GOLIM4: variants seen among roughly 807,000 people sequenced by gnomAD.
The protein encoded by GOLIM4 is golgi integral membrane protein 4.
A neutral mutation model predicts 107.4 loss-of-function variants in GOLIM4; 71 were observed. The ratio of observed to expected loss-of-function variants is 0.66; its 90% CI spans 0.55 to 0.81. The LOEUF (loss-of-function observed/expected upper bound fraction) is 0.81, where lower values mean the gene tolerates loss of function less well. Among genes scored for constraint, GOLIM4 ranks in the 30% least tolerant of loss-of-function variants. GOLIM4 has a pLI of 0.00. For synonymous variants in GOLIM4, 327 were observed against 294.8 expected (o/e 1.11, Z -1.12); for missense variants, 830 against 826.1 (o/e 1.00, Z -0.06).
chr3:168,064,432 A>T (rs999891762), intron 1 of GOLIM4, among the ~76,000 whole-genome samples: 1 of 152,200 alleles, frequency 6.6e-6, no homozygotes, highest in Non-Finnish European at 1.5e-5. Context: ...TTTACATAAG[A>T]AAAGTGTTAA....
intron 1 of GOLIM4, among the ~76,000 whole-genome samples, chr3:168,092,581 G>C (rs1269973098): frequency 6.6e-6 from 1 of 152,048 alleles, no homozygotes; most frequent in African/African-American, 2.4e-5. Context: ...TTTTTAAAAA[G>C]ACCACTCTTT....
In GOLIM4 at chr3:168,049,143, G is replaced by A. The variant is rs148315412; in HGVS notation, c.188-778C>T. Among the ~76,000 whole-genome samples the A allele has an allele frequency of 2.7e-4, 41 of 152,238 alleles. No homozygotes were observed. The East Asian group carries it at 6.0e-3, about 22-fold the overall frequency. ...GAATCCAGAGTCGCCTGGTGAGCAG[G>A]GGAGGAAGAGCAGACATGTCTGGCA... On this transcript the variant is annotated intron_variant, in intron 1 of 15. Transcript: ENST00000470487.
At chr3:168,041,355 C>A in intron 6 of GOLIM4, 37 bp downstream of exon 6, 1 of 1,172,294 alleles carries the variant, frequency 8.5e-7, no homozygotes. Context: ...ATAAAGCAGG[C>A]AAACACTAAA....
At chr3:168,026,171 C>T (rs1717986044) in intron 12 of GOLIM4, among the ~76,000 whole-genome samples, 2 of 152,122 alleles carry the variant, frequency 1.3e-5, no homozygotes, top group South Asian at 4.1e-4. Context: ...GAATGTTACT[C>T]CAGTGCAAAT....
chr3:168,078,338 C>T (rs1336325891), intron 1 of GOLIM4, among the ~76,000 whole-genome samples: 6 of 152,016 alleles, frequency 3.9e-5, no homozygotes, highest in African/African-American at 1.4e-4. Flanking sequence ...AAAGTAAAAT[C>T]AATTACATTT....
At chr3:168,076,714 C>A (rs1210832926) in intron 1 of GOLIM4, among the ~76,000 whole-genome samples, 2 of 151,688 alleles carry the variant, frequency 1.3e-5, no homozygotes, top group African/African-American at 4.9e-5. Context: ...ATCAATCAAT[C>A]AATAAAATGG....
At position 168,043,462 on chromosome 3, in the gene GOLIM4, T is replaced by A; in HGVS notation, c.434A>T (p.Asp145Val). 1.9e-6 allele frequency: 3 copies of A among 1,613,436 alleles called. No individual in the cohort carries two copies. Among genetic ancestry groups the A allele is most frequent in the Non-Finnish European group, 2.5e-6 (3 of 1,179,442 alleles). ...ATGGTCATTAAATGTTCTACTGAAG[T>A]CTTCCCCTTGTTTGCGATGTTCCTC... The part of the protein sequence containing the change: ...LEEEHRKQGE[D>V]FSRTFNDHKQ... Residue 145 changes from aspartate to valine, a missense_variant, in exon 5 of 16, where the codon GAC (aspartate) becomes GTC (valine). Transcript: ENST00000470487.
In GOLIM4 at chr3:168,019,320, G is replaced by C. The variant is rs780462822; in HGVS notation, c.1860+5206C>G. On this transcript the variant is annotated intron_variant, in intron 14 of 15. Coordinates refer to ENST00000470487, the MANE Select transcript of GOLIM4 (RefSeq NM_014498.5). Reference sequence around the variant, plus strand: ...ATCTATCACTTTTCTATTTTTTACAGTGAATTATTCTTAAAAATTCAAGAT... The same window carrying C: ...ATCTATCACTTTTCTATTTTTTACACTGAATTATTCTTAAAAATTCAAGAT... Among the ~76,000 whole-genome samples, 87 of 152,234 alleles carry C rather than the reference G, an allele frequency of 5.7e-4. No individual in the cohort carries two copies. In the Middle Eastern group the frequency reaches 0.01, roughly 18 times the overall value.
At chr3:168,038,939 C>G (rs989645329) in intron 7 of GOLIM4, among the ~76,000 whole-genome samples, 1 of 152,290 alleles carries the variant, frequency 6.6e-6, no homozygotes, top group Admixed American at 6.5e-5. Flanking sequence ...TTCTTGGTCT[C>G]TTTCTGCTAT....
rs1718411530 is a variant in GOLIM4 at position 168,032,813 on chromosome 3, C to G, written c.883G>C (p.Val295Leu). The G allele has an allele frequency of 6.2e-7, 1 of 1,613,820 alleles. No homozygotes were observed. The highest frequency in any genetic ancestry group is 1.1e-5 in the South Asian group (1 of 91,084). Residue 295 changes from valine (V) to leucine (L), a missense_variant, in exon 9 of 16, where the codon GTT becomes CTT. Val to Leu is a conservative substitution (Grantham distance 32, BLOSUM62 1). Transcript: ENST00000470487. ...NNDVWQNHEA[V>L]PGRAEDTKLY... ...TTTGTGTCTTCTGCTCTTCCAGGAA[C>G]TGCTTCATGGTTCTGCCACACATCA...
chr3:168,041,448 T>G lies in GOLIM4; in HGVS notation c.544A>C (p.Asn182His), dbSNP rs750511205. 11 of 1,568,756 alleles carry G rather than the reference T, an allele frequency of 7.0e-6. No homozygotes were observed. Among genetic ancestry groups the G allele is most frequent in the Non-Finnish European group, 9.6e-6 (11 of 1,140,350 alleles). Residue 182 changes from asparagine to histidine, a missense_variant, in exon 6 of 16, where the codon AAT (asparagine) becomes CAT (histidine). Physicochemically the swap from Asn to His is moderately conservative, Grantham distance 68. Transcript: ENST00000470487. ...KETVYNLREE[N>H]RQLRKAHQDI... is the part of the protein sequence containing the mutation. Reference sequence around the variant, plus strand: ...TGGTGTGCTTTCCTTAGTTGTCTATTCTCTTCTCTCAAATTGTATACAGTC... The same window carrying G: ...TGGTGTGCTTTCCTTAGTTGTCTATGCTCTTCTCTCAAATTGTATACAGTC...
At chr3:168,019,984 G>C (rs11914470) in intron 14 of GOLIM4, among the ~76,000 whole-genome samples, 5 of 151,824 alleles carry the variant, frequency 3.3e-5, no homozygotes, top group African/African-American at 4.9e-5. Context: ...TATTTCCATT[G>C]TTCTGTCTAT....
intron 8 of GOLIM4, among the ~76,000 whole-genome samples, chr3:168,035,874 G>A (rs1176242184): frequency 6.6e-6 from 1 of 150,698 alleles, no homozygotes; most frequent in African/African-American, 2.4e-5. Context: ...AACCTTTGTA[G>A]AAATTAGTGG....
chr3:168,036,271 TG>T (rs2108236635), intron 8 of GOLIM4, among the ~76,000 whole-genome samples: 1 of 152,376 alleles, frequency 6.6e-6, no homozygotes, highest in Admixed American at 6.5e-5. Context: ...CCAGGTGTGG[TG>T]GCTCACGCCT....
intron 8 of GOLIM4, among the ~76,000 whole-genome samples, chr3:168,033,606 C>CAAAAAAAAAAAAAAAAAAAAAAAA (rs61728774): frequency 6.4e-5 from 2 of 31,316 alleles, no homozygotes; most frequent in African/African-American, 9.1e-5. Context: ...GACTCCGTCT[C>CAAAAAAAAAAAAAAAAAAAAAAAA]AAAAAAAAAA....
chr3:168,029,666 G>A (rs1718196355), intron 10 of GOLIM4, 114 bp downstream of exon 10: 1 of 1,159,322 alleles, frequency 8.6e-7, no homozygotes, highest in Admixed American at 2.3e-5. Context: ...TTGGCTATTT[G>A]AGCAATATGA....
intron 12 of GOLIM4, among the ~76,000 whole-genome samples, chr3:168,025,722 G>A (rs1372007095): frequency 4.6e-5 from 7 of 152,182 alleles, no homozygotes; most frequent in Admixed American, 4.6e-4. Flanking sequence ...CGAGGGATGG[G>A]AGTTAAAAAG....
chr3:168,015,694 TA>T lies in GOLIM4; in HGVS notation c.1861-4872del, dbSNP rs1334686760. 5.9e-5 allele frequency among the ~76,000 whole-genome samples: 8 copies of T among 135,722 alleles called. 2 individuals carry two copies. Among genetic ancestry groups the T allele is most frequent in the African/African-American group, 1.9e-4 (5 of 26,906 alleles). The allele number at this position is 135,722 out of a possible 152,430, so 89.0% of individuals were successfully genotyped here. A position where few individuals can be genotyped will look rare whatever the true frequency, so the allele number is the denominator to read the frequency against. On this transcript the variant is annotated intron_variant, in intron 14 of 15. Coordinates refer to ENST00000470487, the MANE Select transcript of GOLIM4 (RefSeq NM_014498.5). Reference sequence around the variant, plus strand: ...CATGGTACTGGTACCAAAAGAGAGATATAGATCAATGGAACAGAACAGAGCC... The same window carrying T: ...CATGGTACTGGTACCAAAAGAGAGATTAGATCAATGGAACAGAACAGAGCC...
chr3:168,027,048 TA>T (rs1359187783), intron 12 of GOLIM4, among the ~76,000 whole-genome samples: 2 of 152,220 alleles, frequency 1.3e-5, no homozygotes, highest in African/African-American at 2.4e-5. Flanking sequence ...ACAGACTCAC[TA>T]AACATTTGCT....
Sources: gnomAD v4.1 joint callset for allele counts (sites outside exome capture counted in the v4.1 genomes callset) on GRCh38, gnomAD v4.1.1 for gene constraint, MANE v1.5 for transcripts, NCBI Gene and HGNC (gene_info 2026-07-23, HGNC 2026-07-21) for gene names.